CLEC1B: variants seen among roughly 807,000 people sequenced by gnomAD.
The protein encoded by CLEC1B is C-type lectin domain family 1 member B, also known as C-type lectin-like receptor 2.
In CLEC1B, 26 loss-of-function variants were observed where a neutral mutation model predicts 26.7. The observed-to-expected ratio is 0.97, with a 90% CI of 0.71 to 1.35. The LOEUF is 1.35. Ranked by LOEUF, CLEC1B falls within the 40% of genes most tolerant of loss-of-function variation. CLEC1B has a pLI of 0.00. For synonymous variants in CLEC1B, 112 were observed against 96.0 expected (o/e 1.17, Z -0.97); for missense variants, 293 against 282.6 (o/e 1.04, Z -0.26).
In CLEC1B at chr12:9,996,833, A is replaced by G. The variant is rs1367274727; in HGVS notation, c.438+13T>C. ...CCTTGCCTCCAAAATATTTGACATA[A>G]GAATCTTCTTACCACAATGTTCCGG... On this transcript the variant is annotated intron_variant, in intron 4 of 5. Transcript: ENST00000298527. The G allele has an allele frequency of 6.2e-7, 1 of 1,613,774 alleles. No homozygotes were observed. The highest frequency in any genetic ancestry group is 8.5e-7 in the Non-Finnish European group (1 of 1,179,878).
chr12:9,999,121 T>G lies in CLEC1B; in HGVS notation c.-21A>C. On this transcript the variant is annotated 5_prime_UTR_variant, in exon 1 of 6. Transcript: ENST00000298527. Reference sequence around the variant, plus strand: ...TGCATGGCTTCCCGAGTACTGCAACTGAGCTCAGAGTTCAATGACTTTGCA... The same window carrying G: ...TGCATGGCTTCCCGAGTACTGCAACGGAGCTCAGAGTTCAATGACTTTGCA... 7 of 1,570,852 alleles carry G rather than the reference T, an allele frequency of 4.5e-6. No individual in the cohort carries two copies. Among genetic ancestry groups the G allele is most frequent in the Non-Finnish European group, 6.1e-6 (7 of 1,147,976 alleles).
At position 9,996,950 on chromosome 12, in the gene CLEC1B, T is replaced by C. The variant is rs780358815; in HGVS notation, c.334A>G (p.Ser112Gly). ...CDTNWRYYGD[S>G]CYGFFRHNLT... ...TTGTGCCTGAAGAACCCATAGCAGC[T>C]ATCTCCATAATATCTCCAGTTTGTG... Residue 112 changes from serine to glycine, a missense_variant, in exon 4 of 6, where the codon AGC (serine) becomes GGC (glycine). Coordinates refer to ENST00000298527, the MANE Select transcript of CLEC1B (RefSeq NM_016509.4). 6.2e-7 allele frequency: 1 copy of C among 1,614,122 alleles called. No homozygotes were observed. The highest frequency in any genetic ancestry group is 1.1e-5 in the South Asian group (1 of 91,084).
rs908371597 is a variant in CLEC1B at position 9,993,105 on chromosome 12, A to G, written c.*38T>C. 14 of 1,578,150 alleles carry G rather than the reference A, an allele frequency of 8.9e-6. No individual in the cohort carries two copies. Among genetic ancestry groups the G allele is most frequent in the Middle Eastern group, 4.6e-4 (2 of 4,362 alleles). ...TCATACATATCTTTTATTGTACAAT[A>G]AAGCCCTTATCTGTGTTATCCTGTC... is the stretch of plus-strand genomic sequence containing the variant. On this transcript the variant is annotated 3_prime_UTR_variant, in exon 6 of 6. Coordinates refer to ENST00000298527, the MANE Select transcript of CLEC1B (RefSeq NM_016509.4).
intron 2 of CLEC1B, 86 bp from the exon 3 acceptor site, chr12:9,997,365 A>G: frequency 1.6e-6 from 2 of 1,263,238 alleles, no homozygotes; most frequent in Non-Finnish European, 2.2e-6. Context: ...TCATTTCCTT[A>G]ACTTTGCCAA....
rs760732267 is a variant in CLEC1B, at chr12:9,997,188, T to C, written c.255A>G (p.Val85=). 1.2e-6 allele frequency: 2 copies of C among 1,613,908 alleles called. No individual in the cohort carries two copies. Among genetic ancestry groups the C allele is most frequent in the African/African-American group, 2.7e-5 (2 of 74,928 alleles). ...QLAKRFCQYV[V]KQSELKGTFK... is the part of the protein sequence containing the mutation. ...AAGTGCCCTTTAGTTCTGATTGTTTTACCACATATTGACAGAAGCGCTTTG... is the reference window on the plus strand; with the variant it reads ...AAGTGCCCTTTAGTTCTGATTGTTTCACCACATATTGACAGAAGCGCTTTG... Residue 85 remains valine, a synonymous_variant, in exon 3 of 6, where the codon GTA becomes GTG. Transcript: ENST00000298527.
chr12:9,998,407 G>A, intron 1 of CLEC1B, 27 bp from the exon 2 acceptor site: 3 of 1,564,602 alleles, frequency 1.9e-6, no homozygotes, highest in Non-Finnish European at 2.6e-6. Context: ...AAGACATCAA[G>A]GAGCAGGCAG....
intron 4 of CLEC1B, 94 bp from the exon 5 acceptor site, chr12:9,995,340 T>C: frequency 9.9e-7 from 1 of 1,013,444 alleles, no homozygotes; most frequent in Non-Finnish European, 1.6e-6. Flanking sequence ...GGACAAAAAA[T>C]GTTGGATTAC....
chr12:9,993,212 G>T lies in CLEC1B; in HGVS notation c.621C>A (p.Phe207Leu). ...ACATTAAATAATGTTTGTTCTCACAGAAGGTAGGGTGCATTTTCCCATTAT... is the reference window on the plus strand; with the variant it reads ...ACATTAAATAATGTTTGTTCTCACATAAGGTAGGGTGCATTTTCCCATTAT... ...YFHNGKMHPT[F>L]CENKHYLMCE... is the part of the protein sequence containing the mutation. The change falls in exon 6 of 6, where the codon TTC becomes TTA. Residue 207 changes from phenylalanine to leucine, a missense_variant. Phe to Leu is a conservative substitution (Grantham distance 22). Transcript: ENST00000298527. The T allele has an allele frequency of 6.2e-7, 1 of 1,612,860 alleles. No homozygotes were observed. The highest frequency in any genetic ancestry group is 1.7e-4 in the Middle Eastern group (1 of 5,944).
chr12:9,999,004 A>T, intron 1 of CLEC1B, 33 bp downstream of exon 1: 4 of 1,272,224 alleles, frequency 3.1e-6, no homozygotes, highest in Admixed American at 1.9e-5. Context: ...TTTTTAAATT[A>T]ATTTCCAAAT....
rs1477278341 is a variant in CLEC1B, at chr12:9,996,982, G to C, written c.302C>G (p.Pro101Arg). 3.1e-6 allele frequency: 5 copies of C among 1,613,822 alleles called. No individual in the cohort carries two copies. Among genetic ancestry groups the C allele is most frequent in the Non-Finnish European group, 4.2e-6 (5 of 1,179,958 alleles). Reference protein sequence around the residue: ...KGTFKGHKCSPCDTNWRYYGD... With the variant: ...KGTFKGHKCSRCDTNWRYYGD... ...ATAATATCTCCAGTTTGTGTCACAG[G>C]GGCTGCATTTATGACCTTCTGGAGA... Residue 101 changes from proline to arginine, a missense_variant, in exon 4 of 6, where the codon CCC becomes CGC. Coordinates refer to ENST00000298527, the MANE Select transcript of CLEC1B (RefSeq NM_016509.4).
In CLEC1B at chr12:9,998,247, C is replaced by T. The variant is rs373907648; in HGVS notation, c.163+35G>A. 1.7e-5 allele frequency: 26 copies of T among 1,529,972 alleles called. No individual in the cohort carries two copies. In the African/African-American group the frequency reaches 3.3e-4, roughly 19 times the overall value. 94.8% of individuals were successfully genotyped at this position (1,529,972 alleles called of 1,614,324 possible). ...TGCCATGACCCTTCAGTATTACCTT[C>T]CTCCAGTCAAATTTCTGGCAGAGTC... On this transcript the variant is annotated intron_variant, in intron 2 of 5. Transcript: ENST00000298527.
chr12:10,000,290 A>G (rs75265877), upstream of CLEC1B, among the ~76,000 whole-genome samples: 1,251 of 152,242 alleles, frequency 8.2e-3, 13 homozygotes, highest in African/African-American at 0.028. Flanking sequence ...TAGCCCGTAG[A>G]TTTTTTCTCC....
In CLEC1B at chr12:9,995,372, G is replaced by A. The variant is rs1030959253; in HGVS notation, c.439-126C>T. 6.4e-5 allele frequency: 50 copies of A among 786,008 alleles called. No individual in the cohort carries two copies. In the African/African-American group the frequency reaches 7.8e-4, roughly 12 times the overall value. 48.7% of individuals were successfully genotyped at this position (786,008 alleles called of 1,614,324 possible). On this transcript the variant is annotated intron_variant, in intron 4 of 5. Transcript: ENST00000298527. ...TTACATGTCTATATTAGTATTAATG[G>A]ATTACATTTGATGTTTGAAATTGTA...
chr12:10,000,257 GT>G (rs1865142348), upstream of CLEC1B, among the ~76,000 whole-genome samples: 1 of 152,174 alleles, frequency 6.6e-6, no homozygotes, highest in African/African-American at 2.4e-5. Flanking sequence ...CAGATATTTT[GT>G]TTATTAACAT....
chr12:9,998,640 G>C (rs1865111518), intron 1 of CLEC1B, among the ~76,000 whole-genome samples: 1 of 60,666 alleles, frequency 1.6e-5, no homozygotes, highest in African/African-American at 6.6e-5. Flanking sequence ...TGATGTGTTT[G>C]TATTTTTTGT....
At chr12:9,994,833 GCACA>G (rs34982294) in intron 5 of CLEC1B, among the ~76,000 whole-genome samples, 11 of 150,872 alleles carry the variant, frequency 7.3e-5, no homozygotes, top group South Asian at 2.1e-4. Flanking sequence ...GTGCATGCGC[GCACA>G]CACACACACA....
rs1485287331 is a variant in CLEC1B, at chr12:9,998,274, A to G, written c.163+8T>C. On this transcript the variant is annotated splice_region_variant and intron_variant, in intron 2 of 5. Coordinates refer to ENST00000298527, the MANE Select transcript of CLEC1B (RefSeq NM_016509.4). ...TCCAGTCAAATTTCTGGCAGAGTCA[A>G]CACTTACACCAAATCCCCAGAGCCA... 2 of 1,611,894 alleles carry G rather than the reference A, an allele frequency of 1.2e-6. No homozygotes were observed. The highest frequency in any genetic ancestry group is 4.5e-5 in the East Asian group (2 of 44,882).
intron 2 of CLEC1B, among the ~76,000 whole-genome samples, chr12:9,998,002 T>C (rs17734375): frequency 0.023 from 3,487 of 151,818 alleles, 56 homozygotes; most frequent in Non-Finnish European, 0.036. Context: ...GATGAAAAAG[T>C]TTTTAAAAAT....
intron 1 of CLEC1B, 71 bp from the exon 2 acceptor site, chr12:9,998,451 C>A (rs1865104894): frequency 9.4e-7 from 1 of 1,064,448 alleles, no homozygotes; most frequent in Non-Finnish European, 1.5e-6. Flanking sequence ...TCACCCCTGC[C>A]CCTGCCCCTG....
Sources: allele counts gnomAD v4.1 joint callset (sites outside exome capture counted in the v4.1 genomes callset), GRCh38; gene constraint gnomAD v4.1.1; transcripts MANE v1.5; gene names NCBI Gene and HGNC (gene_info 2026-07-23, HGNC 2026-07-21).